NOL8: variants seen among roughly 807,000 people sequenced by gnomAD.
The protein encoded by NOL8 is nucleolar protein Nop132.
Under a neutral mutation model 116.1 loss-of-function variants are expected in NOL8, and 93 were observed. The ratio of observed to expected loss-of-function variants is 0.80; its 90% CI spans 0.68 to 0.95. NOL8 has a LOEUF of 0.95. Ranked by LOEUF, NOL8 falls within the 40% of genes least tolerant of loss-of-function variation. The pLI, the probability that NOL8 is intolerant of heterozygous loss-of-function variation, is 0.00. For synonymous variants in NOL8, 419 were observed against 469.0 expected (o/e 0.89, Z 1.38); for missense variants, 1,291 against 1,382.8 (o/e 0.93, Z 1.05).
Position 92,298,323 on chromosome 9 carries a change from GA to G in NOL8, c.3386del (p.Phe1129SerfsTer5). ...TCATATTACTTCCTACTCCTCTCCA[GA>G]ATAAGTCAGAACCTATTAGGGGAAA... Reference protein sequence around the residue: ...NDERLQGSDLFWRGVGSNMSR... With the variant: ...NDERLQGSDLXWRGVGSNMSR... On this transcript the variant is annotated frameshift_variant, in exon 16 of 17. Transcript: ENST00000442668. LOFTEE classifies it high-confidence loss of function. 3 of 1,604,394 alleles carry G rather than the reference GA, an allele frequency of 1.9e-6. No individual in the cohort carries two copies. Among genetic ancestry groups the G allele is most frequent in the Non-Finnish European group, 2.6e-6 (3 of 1,175,252 alleles).
chr9:92,298,309 C>G lies in NOL8; in HGVS notation c.3401G>C (p.Gly1134Ala). Residue 1134 changes from glycine (G) to alanine (A), a missense_variant, in exon 16 of 17, where the codon GGA becomes GCA. By Grantham distance (60) the Gly-to-Ala change is moderately conservative (BLOSUM62 0). Coordinates refer to ENST00000442668, the MANE Select transcript of NOL8 (RefSeq NM_017948.6). ...CCAAGAGTTCCTGCTCATATTACTT[C>G]CTACTCCTCTCCAGAATAAGTCAGA... ...QGSDLFWRGVGSNMSRNSWEA... is the reference protein window; with the variant it reads ...QGSDLFWRGVASNMSRNSWEA... 1 of 1,608,702 alleles carries G rather than the reference C, an allele frequency of 6.2e-7. No homozygotes were observed. The highest frequency in any genetic ancestry group is 2.2e-5 in the East Asian group (1 of 44,792).
Position 92,310,276 on chromosome 9 carries a change from A to G in NOL8, c.2596-15T>C. Reference sequence around the variant, plus strand: ...AAATCCATGAGCTACACAGACAGAAAACATACATAATTGATAGCCACATTC... The same window carrying G: ...AAATCCATGAGCTACACAGACAGAAGACATACATAATTGATAGCCACATTC... On this transcript the variant is annotated splice_polypyrimidine_tract_variant and intron_variant, in intron 9 of 16. Transcript: ENST00000442668. The G allele has an allele frequency of 1.9e-6, 3 of 1,592,422 alleles. No individual in the cohort carries two copies. Among genetic ancestry groups the G allele is most frequent in the Middle Eastern group, 1.7e-4 (1 of 6,038 alleles).
chr9:92,313,875 C>G (rs993691728), intron 7 of NOL8, among the ~76,000 whole-genome samples: 1 of 152,314 alleles, frequency 6.6e-6, no homozygotes, highest in East Asian at 1.9e-4. Flanking sequence ...GAGCCAAAAA[C>G]TGTATGAAAG....
At chr9:92,317,481 G>A (rs1407462620) in intron 6 of NOL8, among the ~76,000 whole-genome samples, 4 of 152,164 alleles carry the variant, frequency 2.6e-5, no homozygotes, top group Non-Finnish European at 4.4e-5. Flanking sequence ...TCACAGCTAT[G>A]TCCGGTGCAA....
In NOL8 at chr9:92,315,865, C is replaced by T; in HGVS notation, c.760G>A (p.Ala254Thr). ...ATGGAATCACAAGTTCTTTTTTGTGCAGCCTGTTGCTGTGTTAAGGGTGGT... is the reference window on the plus strand; with the variant it reads ...ATGGAATCACAAGTTCTTTTTTGTGTAGCCTGTTGCTGTGTTAAGGGTGGT... ...ERPPLTQQQA[A>T]QKRTCDSITP... The change falls in exon 7 of 17, where the codon GCA (alanine) becomes ACA (threonine). Residue 254 changes from alanine to threonine, a missense_variant. Physicochemically the swap from Ala to Thr is moderately conservative, Grantham distance 58. Coordinates refer to ENST00000442668, the MANE Select transcript of NOL8 (RefSeq NM_017948.6). 6.2e-7 allele frequency: 1 copy of T among 1,613,886 alleles called. No individual in the cohort carries two copies. The highest frequency in any genetic ancestry group is 1.3e-5 in the African/African-American group (1 of 74,994).
intron 13 of NOL8, chr9:92,300,848 A>T: frequency 9.3e-7 from 1 of 1,081,068 alleles, no homozygotes; most frequent in South Asian, 2.4e-5. Context: ...AATCTACCAA[A>T]CACATGTATG....
At chr9:92,318,175 C>A (rs1036264542) in intron 6 of NOL8, among the ~76,000 whole-genome samples, 2 of 151,970 alleles carry the variant, frequency 1.3e-5, no homozygotes, top group African/African-American at 4.8e-5. Context: ...TCACACTCTG[C>A]TCCAAACTAT....
chr9:92,323,498 G>A lies in NOL8; in HGVS notation c.145C>T (p.Pro49Ser). Residue 49 changes from proline (P) to serine (S), a missense_variant, in exon 3 of 17, where the codon CCA (proline) becomes TCA (serine). Transcript: ENST00000442668. ...TTGATATATGCAAAAACTTTCTGTG[G>A]GTTTCCTAAAAAACAAACAAACAAA... ...IITRKDDQGN[P>S]QKVFAYINIS... is the part of the protein sequence containing the mutation. 1 of 1,599,374 alleles carries A rather than the reference G, an allele frequency of 6.3e-7. No individual in the cohort carries two copies. The highest frequency in any genetic ancestry group is 8.5e-7 in the Non-Finnish European group (1 of 1,174,018).
At chr9:92,319,400 G>A (rs910439978) in intron 4 of NOL8, 44 bp from the exon 5 acceptor site, 2 of 1,486,194 alleles carry the variant, frequency 1.3e-6, no homozygotes, top group African/African-American at 2.9e-5. Context: ...AAAATAATCA[G>A]CCACGTAAAA....
At chr9:92,322,418 A>G (rs1468812922) in intron 3 of NOL8, among the ~76,000 whole-genome samples, 1 of 152,180 alleles carries the variant, frequency 6.6e-6, no homozygotes, top group Non-Finnish European at 1.5e-5. Flanking sequence ...GCTGGAGTGC[A>G]GTGGCACTAT....
intron 6 of NOL8, among the ~76,000 whole-genome samples, chr9:92,317,666 A>G (rs962226400): frequency 2.6e-5 from 4 of 152,134 alleles, no homozygotes; most frequent in Non-Finnish European, 5.9e-5. Context: ...CTAACTGCAT[A>G]TATTATAATC....
rs75092607 is a variant in NOL8, at chr9:92,303,584, A to T, written c.2904-1762T>A. 3.5e-4 allele frequency among the ~76,000 whole-genome samples: 54 copies of T among 152,302 alleles called. 1 individual carries two copies. In the East Asian group the frequency reaches 0.01, roughly 28 times the overall value. On this transcript the variant is annotated intron_variant, in intron 12 of 16. Coordinates refer to ENST00000442668, the MANE Select transcript of NOL8 (RefSeq NM_017948.6). ...TATCTTGCCTGTCACAGAAAAAGTT[A>T]TAGACCTCGGTCTAAAAATAAAACA...
intron 2 of NOL8, among the ~76,000 whole-genome samples, chr9:92,323,802 A>C (rs1840149840): frequency 6.6e-6 from 1 of 152,228 alleles, no homozygotes; most frequent in Admixed American, 6.5e-5. Context: ...TCAAAACTGG[A>C]AGTTAATATG....
In NOL8 at chr9:92,314,539, C is replaced by G. The variant is rs766289844; in HGVS notation, c.2086G>C (p.Asp696His). 5 of 1,613,500 alleles carry G rather than the reference C, an allele frequency of 3.1e-6. No homozygotes were observed. The highest frequency in any genetic ancestry group is 1.6e-4 in the Middle Eastern group (1 of 6,082). The change falls in exon 7 of 17, where the codon GAC becomes CAC. Residue 696 changes from aspartate (D) to histidine (H), a missense_variant. Transcript: ENST00000442668. ...GTCTTTGTGGTACTATGGCAGCTGT[C>G]TTTGTCAAAGCCTATGTTGTGAGTC... is the stretch of plus-strand genomic sequence containing the variant. ...AKTHNIGFDK[D>H]SCHSTTKTEA...
Position 92,316,034 on chromosome 9 carries a change from T to C in NOL8, c.591A>G (p.Gly197=). ...PISSLTWELE[G]GNDPMSKKRR... is the part of the protein sequence containing the mutation. Reference sequence around the variant, plus strand: ...GTTTCTTACTCATAGGGTCATTCCCTCCTTCTAATTCCCAAGTCAGGCTGG... The same window carrying C: ...GTTTCTTACTCATAGGGTCATTCCCCCCTTCTAATTCCCAAGTCAGGCTGG... Residue 197 remains glycine, a synonymous_variant, in exon 7 of 17, where the codon GGA becomes GGG. Transcript: ENST00000442668. 6.2e-7 allele frequency: 1 copy of C among 1,613,972 alleles called. No individual in the cohort carries two copies. Among genetic ancestry groups the C allele is most frequent in the Admixed American group, 1.7e-5 (1 of 60,020 alleles).
At chr9:92,323,623 A>G (rs748140862) in intron 2 of NOL8, 120 bp from the exon 3 acceptor site, 18 of 784,702 alleles carry the variant, frequency 2.3e-5, no homozygotes, top group Non-Finnish European at 2.9e-5. Flanking sequence ...TTATTATTTC[A>G]AAGATAAACC....
rs1305073783 is a variant in NOL8 at position 92,315,867 on chromosome 9, G to A, written c.758C>T (p.Ala253Val). The change falls in exon 7 of 17, where the codon GCT (alanine) becomes GTT (valine). Residue 253 changes from alanine (A) to valine (V), a missense_variant. Coordinates refer to ENST00000442668, the MANE Select transcript of NOL8 (RefSeq NM_017948.6). ...GGAATCACAAGTTCTTTTTTGTGCA[G>A]CCTGTTGCTGTGTTAAGGGTGGTCT... ...IERPPLTQQQ[A>V]AQKRTCDSIT... 1 of 1,613,928 alleles carries A rather than the reference G, an allele frequency of 6.2e-7. No homozygotes were observed.
At chr9:92,302,378 G>A (rs1211231859) in intron 12 of NOL8, among the ~76,000 whole-genome samples, 3 of 152,162 alleles carry the variant, frequency 2.0e-5, no homozygotes, top group Non-Finnish European at 4.4e-5. Flanking sequence ...TTACTTGGCA[G>A]TTTCCAATAC....
Position 92,297,617 on chromosome 9 carries a change from C to G in NOL8, c.*219G>C. On this transcript the variant is annotated 3_prime_UTR_variant, in exon 17 of 17. Transcript: ENST00000442668. ...ATTTTCAAGGACTATCTTGTTCTTC[C>G]TTTATAAGAAGTTGAATTTAATTTT... is the stretch of plus-strand genomic sequence containing the variant. 1.9e-6 allele frequency: 1 copy of G among 526,306 alleles called. No homozygotes were observed. Among genetic ancestry groups the G allele is most frequent in the African/African-American group, 2.0e-5 (1 of 51,100 alleles). The allele number at this position is 526,306 out of a possible 1,614,324, so 32.6% of individuals were successfully genotyped here.
Sources: gnomAD v4.1 joint callset for allele counts (sites outside exome capture counted in the v4.1 genomes callset) on GRCh38, gnomAD v4.1.1 for gene constraint, MANE v1.5 for transcripts, NCBI Gene and HGNC (gene_info 2026-07-23, HGNC 2026-07-21) for gene names.